ATAD2B: variants seen among roughly 807,000 people sequenced by gnomAD.
ATAD2B encodes ATPase family AAA domain-containing protein 2B.
A neutral mutation model predicts 167.6 loss-of-function variants in ATAD2B; 40 were observed. The observed-to-expected ratio is 0.24, with a 90% CI of 0.19 to 0.31. The LOEUF (loss-of-function observed/expected upper bound fraction) is 0.31. Ranked by LOEUF, ATAD2B falls within the 10% of genes least tolerant of loss-of-function variation. The probability of loss-of-function intolerance (pLI) is 1.00; values close to 1 mark genes in which losing one functional copy is unlikely to be tolerated. For missense variants in ATAD2B, 1,242 were observed against 1,757.2 expected, an observed-to-expected ratio of 0.71 and a Z score of 5.24; for synonymous variants, 579 against 596.5, an observed-to-expected ratio of 0.97 and a Z score of 0.43.
Position 23,877,431 on chromosome 2 carries a change from T to G in ATAD2B, c.902-1527A>C, listed in dbSNP as rs1697034741. 2.9e-5 allele frequency among the ~76,000 whole-genome samples: 4 copies of G among 136,822 alleles called. No homozygotes were observed. The South Asian group carries it at 1.0e-3, about 34-fold the overall frequency. The allele number at this position is 136,822 out of a possible 152,430, so 89.8% of individuals were successfully genotyped here. ...ATCACTTGATTCCAGGAGGCAGAGG[T>G]TGCAGTGAGCTGAGATCATGCCACT... On this transcript the variant is annotated intron_variant, in intron 7 of 27. Transcript: ENST00000238789.
At chr2:23,832,751 TA>T (rs1689265747) in intron 14 of ATAD2B, 1 of 152,472 alleles carries the variant, frequency 6.6e-6, no homozygotes, top group African/African-American at 2.4e-5. Flanking sequence ...GCTAAGATAG[TA>T]CAGAAGACAA....
intron 1 of ATAD2B, among the ~76,000 whole-genome samples, chr2:23,898,075 G>C (rs573395841): frequency 1.3e-5 from 2 of 152,260 alleles, no homozygotes; most frequent in Admixed American, 1.3e-4. Flanking sequence ...CTCCCAAGTA[G>C]CTGGGACTAC....
At chr2:23,730,583 G>A in the ATAD2B span, among the ~76,000 whole-genome samples, 8 of 138,180 alleles carry the variant, frequency 5.8e-5, no homozygotes, top group African/African-American at 1.6e-4. Context: ...GGAGAATGGC[G>A]TGAACCTGGG....
chr2:23,746,529 T>C (rs1431918900), downstream of ATAD2B, among the ~76,000 whole-genome samples: 1 of 152,196 alleles, frequency 6.6e-6, no homozygotes, highest in Non-Finnish European at 1.5e-5. Context: ...TAGCACTCTG[T>C]AGGCACTGAA....
the ATAD2B span, among the ~76,000 whole-genome samples, chr2:23,680,483 G>A: frequency 0.033 from 4,984 of 152,308 alleles, 102 homozygotes; most frequent in South Asian, 0.087. This position sits in a 1 kb window ranked among gnomAD's most constrained non-coding sequence, Gnocchi z 4.1. Context: ...GCTCAAAGCC[G>A]AGGAGACCCA....
chr2:23,782,767 C>A, intron 22 of ATAD2B, 102 bp downstream of exon 22: 1 of 960,040 alleles, frequency 1.0e-6, no homozygotes, highest in Non-Finnish European at 1.5e-6. Flanking sequence ...AACAACAGGT[C>A]ATGAAAATTA....
In ATAD2B at chr2:23,788,387, A is replaced by T. The variant is rs1409138748; in HGVS notation, c.2776+125T>A. 28 of 1,077,988 alleles carry T rather than the reference A, an allele frequency of 2.6e-5. No individual in the cohort carries two copies. The East Asian group carries it at 6.2e-4, about 24-fold the overall frequency. 66.8% of individuals were successfully genotyped at this position (1,077,988 alleles called of 1,614,324 possible). On this transcript the variant is annotated intron_variant, in intron 20 of 27. Transcript: ENST00000238789. ...ATGGACACTTCCACACGTCATCTAA[A>T]GATAAACAGAACCTGACAAACTGTC... is the stretch of plus-strand genomic sequence containing the variant.
the ATAD2B span, among the ~76,000 whole-genome samples, chr2:23,737,305 G>A: frequency 1.3e-5 from 2 of 152,192 alleles, no homozygotes; most frequent in Admixed American, 1.3e-4. Flanking sequence ...CCCAGTAGGA[G>A]CGGACTGACA....
the ATAD2B span, among the ~76,000 whole-genome samples, chr2:23,704,551 G>T: frequency 3.3e-4 from 50 of 152,232 alleles, no homozygotes; most frequent in Non-Finnish European, 3.5e-4. Context: ...TGGATCAGTT[G>T]AGATCAGGAG....
At chr2:23,703,017 A>G in the ATAD2B span, among the ~76,000 whole-genome samples, 1 of 152,234 alleles carries the variant, frequency 6.6e-6, no homozygotes, top group African/African-American at 2.4e-5. Context: ...ACGAGACCCC[A>G]GGAGGTCTTG....
intron 1 of ATAD2B, among the ~76,000 whole-genome samples, chr2:23,902,219 A>T (rs1451406338): frequency 6.6e-6 from 1 of 152,146 alleles, no homozygotes; most frequent in Admixed American, 6.5e-5. Flanking sequence ...TACAAAGCAC[A>T]TCATCCTAAC....
intron 17 of ATAD2B, 21 bp from the exon 18 acceptor site, chr2:23,810,523 A>C (rs1685390296): frequency 6.3e-7 from 1 of 1,585,888 alleles, no homozygotes; most frequent in Non-Finnish European, 8.6e-7. Context: ...TGTAAGACAT[A>C]ATTATTTCAA....
chr2:23,782,852 G>A lies in ATAD2B; in HGVS notation c.3133+17C>T, dbSNP rs781201934. On this transcript the variant is annotated intron_variant, in intron 22 of 27. Transcript: ENST00000238789. The stretch of plus-strand genomic sequence containing the variant: ...CTGATTGATTATCAAGGGGAACCTT[G>A]CCCTATGCATCCTTACCTCCTGGGT... 9 of 1,595,396 alleles carry A rather than the reference G, an allele frequency of 5.6e-6. No homozygotes were observed. The Admixed American group carries it at 1.2e-4, about 21-fold the overall frequency.
chr2:23,863,674 T>C (rs1476250508), intron 11 of ATAD2B, 119 bp from the exon 12 acceptor site: 1 of 945,654 alleles, frequency 1.1e-6, no homozygotes, highest in Non-Finnish European at 1.5e-6. Flanking sequence ...TATTAGACAT[T>C]GATAAAGCTT....
intron 10 of ATAD2B, 124 bp downstream of exon 10, chr2:23,867,711 A>G: frequency 1.5e-6 from 1 of 666,158 alleles, no homozygotes; most frequent in South Asian, 1.9e-5. Flanking sequence ...GTTTCAAAAC[A>G]TATACATCGA....
At chr2:23,800,829 A>T (rs989930398) in intron 18 of ATAD2B, among the ~76,000 whole-genome samples, 2 of 152,058 alleles carry the variant, frequency 1.3e-5, no homozygotes, top group South Asian at 2.1e-4. Context: ...TAAAAAAAAA[A>T]TTTATATTTG....
rs541133617 is a variant in ATAD2B at position 23,874,627 on chromosome 2, C to T, written c.977+1202G>A. Among the ~76,000 whole-genome samples the T allele has an allele frequency of 2.4e-4, 37 of 151,404 alleles. No homozygotes were observed. In the South Asian group the frequency reaches 7.3e-3, roughly 30 times the overall value. On this transcript the variant is annotated intron_variant, in intron 8 of 27. Coordinates refer to ENST00000238789, the MANE Select transcript of ATAD2B (RefSeq NM_017552.4). Reference sequence around the variant, plus strand: ...CTGAGGTGGGAGGATTGTTTGAGTCCAGGAGGCTGAGGCTGCAATGAGCCA... The same window carrying T: ...CTGAGGTGGGAGGATTGTTTGAGTCTAGGAGGCTGAGGCTGCAATGAGCCA...
chr2:23,730,406 C>T, the ATAD2B span, among the ~76,000 whole-genome samples: 3 of 151,866 alleles, frequency 2.0e-5, no homozygotes, highest in African/African-American at 7.3e-5. Context: ...GTGGCTCATG[C>T]CTGTAATCCC....
At chr2:23,910,615 C>G (rs984815156) in intron 1 of ATAD2B, among the ~76,000 whole-genome samples, 38 of 151,560 alleles carry the variant, frequency 2.5e-4, no homozygotes, top group African/African-American at 8.9e-4. Context: ...CACCTGTAAT[C>G]CCAGCAGTTT....
Sources: allele counts gnomAD v4.1 joint callset (sites outside exome capture counted in the v4.1 genomes callset), GRCh38; gene constraint gnomAD v4.1.1; non-coding constraint Gnocchi (gnomAD v3.1); transcripts MANE v1.5; gene names NCBI Gene and HGNC (gene_info 2026-07-23, HGNC 2026-07-21).